MAP6: variants seen among roughly 807,000 people sequenced by gnomAD.
MAP6 encodes microtubule-associated protein 6.
In MAP6, 26 loss-of-function variants were observed where a neutral mutation model predicts 42.4. The ratio of observed to expected loss-of-function variants is 0.61; its 90% confidence interval spans 0.45 to 0.85. The LOEUF (loss-of-function observed/expected upper bound fraction) is 0.85, where lower values mean the gene tolerates loss of function less well. MAP6 is among the 40% of genes least tolerant of loss of function. MAP6 has a pLI of 0.00. For synonymous variants in MAP6, 418 were observed against 443.8 expected, an observed-to-expected ratio of 0.94 and a Z score of 0.73; for missense variants, 966 against 1,099.0, an observed-to-expected ratio of 0.88 and a Z score of 1.71.
chr11:75,645,952 A>G (rs1032212141), intron 1 of MAP6, among the ~76,000 whole-genome samples: 2 of 151,790 alleles, frequency 1.3e-5, no homozygotes, highest in Non-Finnish European at 2.9e-5. Flanking sequence ...GTTCTAGGGG[A>G]AAGAATAGAG....
At chr11:75,659,280 G>A (rs1943802930) in intron 1 of MAP6, among the ~76,000 whole-genome samples, 2 of 152,124 alleles carry the variant, frequency 1.3e-5, no homozygotes, top group South Asian at 4.1e-4. Context: ...TCAGGAGTTC[G>A]AGACCAGCCT....
intron 3 of MAP6, among the ~76,000 whole-genome samples, chr11:75,600,574 G>A (rs1230171607): frequency 1.3e-5 from 2 of 152,136 alleles, no homozygotes; most frequent in African/African-American, 2.4e-5. Context: ...TCCTGTTCCA[G>A]TGGCCTTGGC....
intron 3 of MAP6, among the ~76,000 whole-genome samples, chr11:75,590,886 T>C (rs1022283567): frequency 2.6e-5 from 4 of 152,006 alleles, no homozygotes; most frequent in South Asian, 4.2e-4. Flanking sequence ...AGAATCGTTT[T>C]AGCCCAGGAG....
At chr11:75,596,387 ACT>A (rs1227772680) in intron 3 of MAP6, 1 of 152,236 alleles carries the variant, frequency 6.6e-6, no homozygotes, top group Non-Finnish European at 1.5e-5. Context: ...GCTTGAGATG[ACT>A]CTGACTGGCT....
In MAP6 at chr11:75,607,555, T is replaced by C. The variant is rs1431102178; in HGVS notation, c.1119+554A>G. On this transcript the variant is annotated intron_variant, in intron 2 of 3. Coordinates refer to ENST00000304771, the MANE Select transcript of MAP6 (RefSeq NM_033063.2). ...TGGTAACAAATGCTGGGAACATATATTATAGCTGATGTGACAGGTGTGTTG... is the reference window on the plus strand; with the variant it reads ...TGGTAACAAATGCTGGGAACATATACTATAGCTGATGTGACAGGTGTGTTG... 5.1e-6 allele frequency: 5 copies of C among 985,294 alleles called. No individual in the cohort carries two copies. The East Asian group carries it at 5.7e-4, about 112-fold the overall frequency. The allele number at this position is 985,294 out of a possible 1,614,324, so 61.0% of individuals were successfully genotyped here. A position where few individuals can be genotyped will look rare whatever the true frequency, so the allele number is the denominator to read the frequency against.
intron 1 of MAP6, among the ~76,000 whole-genome samples, chr11:75,609,032 G>A (rs59339204): frequency 0.013 from 1,978 of 152,280 alleles, 59 homozygotes; most frequent in African/African-American, 0.046. Context: ...GAGCATCTTC[G>A]TGTGCTTTGG....
rs763735730 is a variant in MAP6 at position 75,646,499 on chromosome 11, T to TAAA, written c.905+20963_905+20965dup. 9.8e-3 allele frequency among the ~76,000 whole-genome samples: 653 copies of TAAA among 66,628 alleles called. 33 individuals carry two copies. Among genetic ancestry groups the TAAA allele is most frequent in the African/African-American group, 0.037 (522 of 14,100 alleles). 43.7% of individuals were successfully genotyped at this position (66,628 alleles called of 152,430 possible). ...CAACATGGTGAAAACCCATCTCTAT[T>TAAA]AAAAAAAAAAAAAAAAAAAAAAAAG... On this transcript the variant is annotated intron_variant, in intron 1 of 3. Transcript: ENST00000304771.
intron 1 of MAP6, among the ~76,000 whole-genome samples, chr11:75,616,313 T>C (rs1474657568): frequency 2.0e-5 from 3 of 152,348 alleles, no homozygotes; most frequent in East Asian, 3.9e-4. Context: ...CCATCTTCTT[T>C]ATAAAATTTT....
At chr11:75,645,210 AC>A (rs1315594612) in intron 1 of MAP6, among the ~76,000 whole-genome samples, 1 of 152,106 alleles carries the variant, frequency 6.6e-6, no homozygotes, top group Non-Finnish European at 1.5e-5. Flanking sequence ...AGGAGAAGAG[AC>A]CTGGCCCTCT....
intron 1 of MAP6, among the ~76,000 whole-genome samples, chr11:75,653,225 G>A (rs1400449842): frequency 6.6e-6 from 1 of 152,198 alleles, no homozygotes. Context: ...CCAAGAAAGG[G>A]ATAAAAGGAC....
At chr11:75,601,119 C>A (rs1942656869) in intron 3 of MAP6, among the ~76,000 whole-genome samples, 1 of 152,210 alleles carries the variant, frequency 6.6e-6, no homozygotes, top group African/African-American at 2.4e-5. Flanking sequence ...GCAGCACTGA[C>A]AAAGCTGGCA....
At chr11:75,666,571 G>C (rs1429593044) in intron 1 of MAP6, among the ~76,000 whole-genome samples, 1 of 152,182 alleles carries the variant, frequency 6.6e-6, no homozygotes, top group Non-Finnish European at 1.5e-5. Flanking sequence ...GGATCATAAG[G>C]TATCATGTGG....
At chr11:75,606,685 G>C (rs974020109) in intron 2 of MAP6, among the ~76,000 whole-genome samples, 1 of 152,182 alleles carries the variant, frequency 6.6e-6, no homozygotes, top group Non-Finnish European at 1.5e-5. Flanking sequence ...GCTTTGGGCA[G>C]GGGGGCATCT....
intron 1 of MAP6, among the ~76,000 whole-genome samples, chr11:75,658,413 CAGCCAA>C (rs1439616214): frequency 6.6e-6 from 1 of 151,654 alleles, no homozygotes; most frequent in Non-Finnish European, 1.5e-5. Flanking sequence ...CCGCCCCAGA[CAGCCAA>C]AACATGAACC....
chr11:75,667,776 C>T lies in MAP6; in HGVS notation c.594G>A (p.Pro198=), dbSNP rs1052719285. 2.3e-6 allele frequency: 3 copies of T among 1,306,562 alleles called. No individual in the cohort carries two copies. In the African/African-American group the frequency reaches 4.6e-5, roughly 20 times the overall value. 80.9% of individuals were successfully genotyped at this position (1,306,562 alleles called of 1,614,324 possible). A position where few individuals can be genotyped will look rare whatever the true frequency, so the allele number is the denominator to read the frequency against. ...GCACTGGCCAGCGCTCCTGGCTCTG[C>T]GGCCGGCGCTTGGGCGCCCCGAGAA... ...APILGAPKRR[P]QSQERWPVQA... Residue 198 remains proline (P), a synonymous_variant, in exon 1 of 4, where the codon CCG becomes CCA. Coordinates refer to ENST00000304771, the MANE Select transcript of MAP6 (RefSeq NM_033063.2). This position sits in a 1 kb window ranked among gnomAD's most constrained non-coding sequence, Gnocchi z 5.6.
intron 1 of MAP6, among the ~76,000 whole-genome samples, chr11:75,643,041 C>T (rs1197515242): frequency 6.6e-6 from 1 of 151,986 alleles, no homozygotes; most frequent in African/African-American, 2.4e-5. Flanking sequence ...TTTTGTGATA[C>T]TATTATTGGC....
intron 1 of MAP6, among the ~76,000 whole-genome samples, chr11:75,643,289 A>G (rs1943505884): frequency 6.6e-6 from 1 of 151,826 alleles, no homozygotes; most frequent in Non-Finnish European, 1.5e-5. Flanking sequence ...CCAGCACACT[A>G]CTGCAGATGT....
At chr11:75,635,818 TC>T (rs993295911) in intron 1 of MAP6, 2 of 152,236 alleles carry the variant, frequency 1.3e-5, no homozygotes, top group African/African-American at 2.4e-5. Flanking sequence ...GTGTTTAACA[TC>T]TAGCTCAGAG....
chr11:75,628,193 T>C (rs1943228923), intron 1 of MAP6, among the ~76,000 whole-genome samples: 1 of 152,130 alleles, frequency 6.6e-6, no homozygotes. Flanking sequence ...GCTGTTTTCC[T>C]GGAGCAGATG....
Sources: gnomAD v4.1 joint callset for allele counts (sites outside exome capture counted in the v4.1 genomes callset) on GRCh38, gnomAD v4.1.1 for gene constraint, Gnocchi (gnomAD v3.1) non-coding constraint, MANE v1.5 for transcripts, NCBI Gene and HGNC (gene_info 2026-07-23, HGNC 2026-07-21) for gene names.